Variants in FER observed in about 807,000 individuals in gnomAD.
The protein encoded by FER is FER tyrosine kinase.
Under a neutral mutation model 111.0 loss-of-function variants are expected in FER, and 63 were observed. The observed-to-expected ratio is 0.57, with a 90% CI of 0.46 to 0.70. The LOEUF (loss-of-function observed/expected upper bound fraction) is 0.70. FER is among the 30% of genes least tolerant of loss of function. The pLI, the probability that FER is intolerant of heterozygous loss-of-function variation, is 0.00. For synonymous variants in FER, 327 were observed against 313.9 expected, an observed-to-expected ratio of 1.04 and a Z score of -0.44; for missense variants, 914 against 954.0, an observed-to-expected ratio of 0.96 and a Z score of 0.55.
intron 13 of FER, among the ~76,000 whole-genome samples, chr5:109,008,972 AAACAAC>A (rs375685208): frequency 0.011 from 1,595 of 151,758 alleles, 24 homozygotes; most frequent in African/African-American, 0.036. Flanking sequence ...CTCCATCTCA[AAACAAC>A]AACAACAACA....
chr5:109,009,889 A>G (rs1766020240), intron 13 of FER, among the ~76,000 whole-genome samples: 1 of 152,156 alleles, frequency 6.6e-6, no homozygotes, highest in South Asian at 2.1e-4. Flanking sequence ...AAACACGGGT[A>G]GTGTTTTAAG....
chr5:109,124,121 A>G (rs1206974961), intron 17 of FER, among the ~76,000 whole-genome samples: 1 of 152,072 alleles, frequency 6.6e-6, no homozygotes, highest in Admixed American at 6.6e-5. Context: ...CCCAGCTACA[A>G]AAGGCTGAGG....
chr5:109,139,432 G>A (rs1753286217), intron 17 of FER, among the ~76,000 whole-genome samples: 1 of 147,024 alleles, frequency 6.8e-6, no homozygotes, highest in Admixed American at 6.9e-5. Flanking sequence ...CTCACTGCAA[G>A]CTCCACTTCC....
intron 16 of FER, among the ~76,000 whole-genome samples, chr5:109,062,500 T>G (rs934532872): frequency 1.3e-5 from 2 of 152,096 alleles, no homozygotes; most frequent in Admixed American, 1.3e-4. Flanking sequence ...CACTTCAGTC[T>G]GGGTGACAGA....
chr5:109,135,673 T>C (rs1312849781), intron 17 of FER, among the ~76,000 whole-genome samples: 1 of 152,092 alleles, frequency 6.6e-6, no homozygotes, highest in Non-Finnish European at 1.5e-5. Flanking sequence ...ACCACTATTA[T>C]CCAGTAATCC....
chr5:109,009,044 C>CTTTT lies in FER; in HGVS notation c.1657-28360_1657-28357dup, dbSNP rs1030906789. Among the ~76,000 whole-genome samples, 312 of 115,968 alleles carry CTTTT rather than the reference C, an allele frequency of 2.7e-3. 9 individuals carry two copies. The highest frequency in any genetic ancestry group is 3.3e-3 in the African/African-American group (100 of 30,096). 76.1% of individuals were successfully genotyped at this position (115,968 alleles called of 152,430 possible). A position where few individuals can be genotyped will look rare whatever the true frequency, so the allele number is the denominator to read the frequency against. On this transcript the variant is annotated intron_variant, in intron 13 of 19. Coordinates refer to ENST00000281092, the MANE Select transcript of FER (RefSeq NM_005246.4). The stretch of plus-strand genomic sequence containing the variant: ...CACTAGTCTAGTCTTCCTCTTCAGT[C>CTTTT]TTTTTTTTTTTTTTTTTTTTTGAAA...
At chr5:109,129,220 G>T (rs991447006) in intron 17 of FER, among the ~76,000 whole-genome samples, 2 of 151,958 alleles carry the variant, frequency 1.3e-5, no homozygotes, top group Admixed American at 6.6e-5. Context: ...TCCGGGTGGA[G>T]AATCTTAATA....
At chr5:108,829,330 A>G (rs1474679545) in intron 3 of FER, among the ~76,000 whole-genome samples, 1 of 152,006 alleles carries the variant, frequency 6.6e-6, no homozygotes, top group African/African-American at 2.4e-5. Context: ...AATATTACCT[A>G]ATTCTGTGTT....
At chr5:108,776,759 A>T (rs1199019146) in intron 2 of FER, among the ~76,000 whole-genome samples, 1 of 152,218 alleles carries the variant, frequency 6.6e-6, no homozygotes, top group Non-Finnish European at 1.5e-5. Context: ...TTTATGGTGA[A>T]TTGAAAACTC....
In FER at chr5:109,018,525, A is replaced by G. The variant is rs1049909611; in HGVS notation, c.1657-18897A>G. On this transcript the variant is annotated intron_variant, in intron 13 of 19. Coordinates refer to ENST00000281092, the MANE Select transcript of FER (RefSeq NM_005246.4). ...GGTGGTGAAGAATACAGATTTTAGA[A>G]TCAAAGACTTGTCCCACAATAGTGG... 3.8e-4 allele frequency among the ~76,000 whole-genome samples: 57 copies of G among 151,932 alleles called. 1 individual carries two copies. Among genetic ancestry groups the G allele is most frequent in the African/African-American group, 1.4e-3 (57 of 41,550 alleles).
chr5:108,847,244 T>G (rs1212983267), intron 5 of FER, among the ~76,000 whole-genome samples: 2 of 151,772 alleles, frequency 1.3e-5, no homozygotes, highest in Admixed American at 6.6e-5. Flanking sequence ...CCTTTTTGAT[T>G]ATTTTTTTGT....
chr5:108,963,854 TGTTAGTTTTAGATGA>T (rs1203076895), intron 13 of FER, among the ~76,000 whole-genome samples: 2 of 152,148 alleles, frequency 1.3e-5, no homozygotes, highest in Non-Finnish European at 2.9e-5. Context: ...CTGTTTACAT[TGTTAGTTTTAGATGA>T]TGTAAAGACC....
intron 16 of FER, among the ~76,000 whole-genome samples, chr5:109,096,723 T>C (rs904853492): frequency 2.6e-5 from 4 of 151,860 alleles, no homozygotes; most frequent in African/African-American, 9.7e-5. Flanking sequence ...ATTTCATTGA[T>C]TGGGCTAAGC....
chr5:109,114,611 A>G lies in FER; in HGVS notation c.2048+14092A>G, dbSNP rs561614832. 1.3e-3 allele frequency among the ~76,000 whole-genome samples: 198 copies of G among 152,146 alleles called. 2 individuals are homozygous for G. The highest frequency in any genetic ancestry group is 2.8e-3 in the Admixed American group (43 of 15,246). ...AGGTCATATGGTTTCCATCACAACT[A>G]CTCAACTCTCCCATTCTGAAAGAAG... On this transcript the variant is annotated intron_variant, in intron 17 of 19. Coordinates refer to ENST00000281092, the MANE Select transcript of FER (RefSeq NM_005246.4).
At chr5:109,012,593 A>C (rs766847824) in intron 13 of FER, among the ~76,000 whole-genome samples, 1 of 152,220 alleles carries the variant, frequency 6.6e-6, no homozygotes, top group African/African-American at 2.4e-5. Flanking sequence ...CAAAAATTTG[A>C]GACCTGTGTG....
chr5:109,128,626 A>G (rs1367669253), intron 17 of FER, among the ~76,000 whole-genome samples: 1 of 152,130 alleles, frequency 6.6e-6, no homozygotes, highest in African/African-American at 2.4e-5. Context: ...TGGGGATTGT[A>G]TTAAGATGTT....
chr5:109,182,719 G>A (rs1200537096), intron 18 of FER, among the ~76,000 whole-genome samples: 2 of 152,016 alleles, frequency 1.3e-5, no homozygotes, highest in South Asian at 2.1e-4. Context: ...TCTTGATCAC[G>A]GTATAGTTTT....
rs543994638 is a variant in FER, at chr5:108,778,504, G to A, written c.-60+10266G>A. On this transcript the variant is annotated intron_variant, in intron 2 of 19. Transcript: ENST00000281092. ...CTCACCAGCATTTAGTGTAAACAGC[G>A]TCCTGGATTTTGGCTGTTCTGATAA... 1.4e-4 allele frequency among the ~76,000 whole-genome samples: 21 copies of A among 152,262 alleles called. No individual in the cohort carries two copies. The Middle Eastern group carries it at 0.014, about 99-fold the overall frequency.
intron 12 of FER, 103 bp from the exon 13 acceptor site, chr5:108,959,122 T>C (rs1440552051): frequency 2.6e-6 from 3 of 1,165,390 alleles, no homozygotes; most frequent in Non-Finnish European, 3.6e-6. Flanking sequence ...CACATTGTTG[T>C]GCAATTATAG....
Sources: gnomAD v4.1 joint callset for allele counts (sites outside exome capture counted in the v4.1 genomes callset) on GRCh38, gnomAD v4.1.1 for gene constraint, MANE v1.5 for transcripts, NCBI Gene and HGNC (gene_info 2026-07-23, HGNC 2026-07-21) for gene names.